UGT1A9: variants seen among roughly 807,000 people sequenced by gnomAD.
UGT1A9 encodes the protein UDP glucuronosyltransferase family 1 member A9.
In UGT1A9, 35 loss-of-function variants were observed where a neutral mutation model predicts 45.0. The observed-to-expected ratio is 0.78, with a 90% CI of 0.59 to 1.03. UGT1A9 has a LOEUF of 1.03. Among genes scored for constraint, UGT1A9 ranks in the 50% least tolerant of loss-of-function variants. UGT1A9 has a pLI of 0.00. For synonymous variants in UGT1A9, 278 were observed against 250.6 expected, an observed-to-expected ratio of 1.11 and a Z score of -1.03; for missense variants, 687 against 666.6, an observed-to-expected ratio of 1.03 and a Z score of -0.34.
intron 1 of UGT1A9, among the ~76,000 whole-genome samples, chr2:233,695,045 A>G (rs2075255469): frequency 6.6e-6 from 1 of 152,000 alleles, no homozygotes; most frequent in African/African-American, 2.4e-5. Context: ...TGTTAACCAT[A>G]GTCACCCTAC....
intron 1 of UGT1A9, chr2:233,719,387 T>C (rs770901552): frequency 8.1e-6 from 13 of 1,613,966 alleles, no homozygotes; most frequent in African/African-American, 1.3e-5. Flanking sequence ...AGTGTCCAAA[T>C]CCTTCCTCCT....
chr2:233,698,592 A>T (rs1559349856), intron 1 of UGT1A9, among the ~76,000 whole-genome samples: 1 of 152,200 alleles, frequency 6.6e-6, no homozygotes, highest in Non-Finnish European at 1.5e-5. Flanking sequence ...TAATCCAAGA[A>T]ATTCGGATTA....
At chr2:233,741,668 T>C (rs1315003933) in intron 1 of UGT1A9, 1 of 151,924 alleles carries the variant, frequency 6.6e-6, no homozygotes, top group African/African-American at 2.4e-5. Context: ...GTTCCTGCTG[T>C]TTATTGCTTG....
Position 233,743,944 on chromosome 2 carries a change from C to G in UGT1A9, c.856-23090C>G, listed in dbSNP as rs558062868. 11 of 1,351,522 alleles carry G rather than the reference C, an allele frequency of 8.1e-6. No individual in the cohort carries two copies. In the Admixed American group the frequency reaches 1.2e-4, roughly 14 times the overall value. The allele number at this position is 1,351,522 out of a possible 1,614,324, so 83.7% of individuals were successfully genotyped here. A position where few individuals can be genotyped will look rare whatever the true frequency, so the allele number is the denominator to read the frequency against. ...TGGATGGCCAGAACGGCCCACCAGG[C>G]ACTGGCACAGCGAGCGGCAAGGCTG... On this transcript the variant is annotated intron_variant, in intron 1 of 4. Transcript: ENST00000354728.
intron 1 of UGT1A9, among the ~76,000 whole-genome samples, chr2:233,724,966 G>A (rs1480944004): frequency 1.5e-5 from 2 of 135,640 alleles, no homozygotes; most frequent in South Asian, 2.5e-4. Flanking sequence ...GGAGGCCGAG[G>A]TTGGCGGATC....
At chr2:233,757,716 G>A (rs1426066067) in intron 1 of UGT1A9, among the ~76,000 whole-genome samples, 1 of 151,612 alleles carries the variant, frequency 6.6e-6, no homozygotes, top group African/African-American at 2.4e-5. Context: ...TCCCGGGAGG[G>A]TCCTGTAGAT....
intron 1 of UGT1A9, chr2:233,750,580 C>T (rs1288266277): frequency 6.6e-6 from 1 of 151,936 alleles, no homozygotes; most frequent in African/African-American, 2.4e-5. Flanking sequence ...CCATCACAGG[C>T]CTGGAGGCCT....
At chr2:233,709,140 C>T (rs1481814176) in intron 1 of UGT1A9, among the ~76,000 whole-genome samples, 5 of 152,066 alleles carry the variant, frequency 3.3e-5, no homozygotes, top group Admixed American at 6.6e-5. Flanking sequence ...GGGGATGAGA[C>T]GTGCTGATTG....
intron 1 of UGT1A9, among the ~76,000 whole-genome samples, chr2:233,745,477 A>G (rs1693119079): frequency 6.6e-6 from 1 of 151,704 alleles, no homozygotes; most frequent in African/African-American, 2.4e-5. Context: ...AAAATGATTA[A>G]CCAAAGAACA....
chr2:233,748,321 A>G (rs1693916793), intron 1 of UGT1A9, among the ~76,000 whole-genome samples: 1 of 151,726 alleles, frequency 6.6e-6, no homozygotes, highest in African/African-American at 2.4e-5. Flanking sequence ...ACTAGGACTG[A>G]TGTGACTCAT....
At chr2:233,740,153 C>G (rs1191038998) in intron 1 of UGT1A9, among the ~76,000 whole-genome samples, 1 of 151,824 alleles carries the variant, frequency 6.6e-6, no homozygotes, top group African/African-American at 2.4e-5. Context: ...CCTGAGGCCT[C>G]CCCAGTCATG....
At chr2:233,688,266 T>C (rs1419667563) in intron 1 of UGT1A9, among the ~76,000 whole-genome samples, 1 of 152,266 alleles carries the variant, frequency 6.6e-6, no homozygotes, top group African/African-American at 2.4e-5. Flanking sequence ...CATGGCCGAA[T>C]ATTCCATTGT....
At chr2:233,743,087 A>G (rs1244920727) in intron 1 of UGT1A9, 3 of 346,168 alleles carry the variant, frequency 8.7e-6, no homozygotes, top group Non-Finnish European at 1.7e-5. Flanking sequence ...AAGTGTTTAT[A>G]AATTCTTGGG....
intron 1 of UGT1A9, among the ~76,000 whole-genome samples, chr2:233,683,740 T>C (rs776869819): frequency 5.3e-5 from 8 of 152,254 alleles, no homozygotes; most frequent in Non-Finnish European, 1.0e-4. Flanking sequence ...CCCATTTCTC[T>C]TTTGAATTCA....
At chr2:233,736,510 T>C (rs77531777) in intron 1 of UGT1A9, among the ~76,000 whole-genome samples, 9,193 of 152,294 alleles carry the variant, frequency 0.06, 873 homozygotes, top group African/African-American at 0.21. Flanking sequence ...AGCCTACTTC[T>C]GTCAACTCGT....
chr2:233,767,747 C>CTG lies in UGT1A9; in HGVS notation c.988-100_988-99dup, dbSNP rs35331289. ...ACTGATCCTCCCACTCTGTTAAAGA[C>CTG]TGTTCCTTCAGAGGACCCCTGTTTT... is the stretch of plus-strand genomic sequence containing the variant. On this transcript the variant is annotated intron_variant, in intron 2 of 4. Coordinates refer to ENST00000354728, the MANE Select transcript of UGT1A9 (RefSeq NM_021027.3). 3.9e-3 allele frequency: 6,206 copies of CTG among 1,591,080 alleles called. 210 individuals are homozygous for CTG. In the African/African-American group the frequency reaches 0.073, roughly 19 times the overall value.
At chr2:233,688,354 A>G (rs1005613406) in intron 1 of UGT1A9, among the ~76,000 whole-genome samples, 2 of 152,210 alleles carry the variant, frequency 1.3e-5, no homozygotes, top group Non-Finnish European at 2.9e-5. Context: ...GCCATGAAAA[A>G]TAATGTTGTT....
intron 1 of UGT1A9, among the ~76,000 whole-genome samples, chr2:233,759,549 T>A (rs1172160092): frequency 6.6e-6 from 1 of 152,280 alleles, no homozygotes; most frequent in South Asian, 2.1e-4. Context: ...TGCGCTCCAG[T>A]GAATTTCCCT....
At chr2:233,685,534 C>A (rs558249982) in intron 1 of UGT1A9, among the ~76,000 whole-genome samples, 1 of 152,210 alleles carries the variant, frequency 6.6e-6, no homozygotes, top group Admixed American at 6.5e-5. Flanking sequence ...CCATTGCTCT[C>A]GCATTCTGTT....
Sources: gnomAD v4.1 joint callset for allele counts (sites outside exome capture counted in the v4.1 genomes callset) on GRCh38, gnomAD v4.1.1 for gene constraint, MANE v1.5 for transcripts, NCBI Gene and HGNC (gene_info 2026-07-23, HGNC 2026-07-21) for gene names.